Variants in RNF144B observed in about 807,000 individuals in gnomAD.
The protein encoded by RNF144B is ring finger protein 144B.
In RNF144B, 25 loss-of-function variants were observed where a neutral mutation model predicts 40.2. The observed-to-expected ratio is 0.62, with a 90% confidence interval of 0.45 to 0.87. RNF144B has a LOEUF of 0.87. RNF144B is among the 40% of genes least tolerant of loss of function. The pLI, the probability that RNF144B is intolerant of heterozygous loss-of-function variation, is 0.00. For synonymous variants in RNF144B, 145 were observed against 136.3 expected, an observed-to-expected ratio of 1.06 and a Z score of -0.44; for missense variants, 365 against 373.7, an observed-to-expected ratio of 0.98 and a Z score of 0.19.
rs573700156 is a variant in RNF144B at position 18,467,097 on chromosome 6, C to G, written c.*2030C>G. ...CTTTGTTTTACACGTAGCCCACTGCCTCATTATAGGTAAAAGGCATTTATA... is the reference window on the plus strand; with the variant it reads ...CTTTGTTTTACACGTAGCCCACTGCGTCATTATAGGTAAAAGGCATTTATA... On this transcript the variant is annotated 3_prime_UTR_variant, in exon 8 of 8. Transcript: ENST00000259939. 24 of 152,682 alleles carry G rather than the reference C, an allele frequency of 1.6e-4. No individual in the cohort carries two copies. The East Asian group carries it at 4.6e-3, about 29-fold the overall frequency. The allele number at this position is 152,682 out of a possible 1,614,324, so 9.5% of individuals were successfully genotyped here. A position where few individuals can be genotyped will look rare whatever the true frequency, so the allele number is the denominator to read the frequency against.
rs763184947 is a variant in RNF144B at position 18,406,108 on chromosome 6, T to C, written c.165+6409T>C. 1.9e-6 allele frequency: 1 copy of C among 519,038 alleles called. No individual in the cohort carries two copies. The highest frequency in any genetic ancestry group is 1.4e-5 in the South Asian group (1 of 71,590). The allele number at this position is 519,038 out of a possible 1,614,324, so 32.2% of individuals were successfully genotyped here. ...CATAGTTCTGATGGTTTGAATATAG[T>C]GGTGAACGATCAGATTAAGCCCTGG... On this transcript the variant is annotated intron_variant, in intron 2 of 7. Transcript: ENST00000259939. This position sits in a 1 kb window ranked among gnomAD's most constrained non-coding sequence, Gnocchi z 4.2.
At chr6:18,388,507 C>A (rs189665338) in intron 1 of RNF144B, among the ~76,000 whole-genome samples, 45 of 152,260 alleles carry the variant, frequency 3.0e-4, no homozygotes, top group African/African-American at 1.1e-3. Flanking sequence ...CCTAGCCAGT[C>A]CTAACTGAGT....
chr6:18,407,610 C>A (rs1794939480), intron 2 of RNF144B, among the ~76,000 whole-genome samples: 1 of 152,206 alleles, frequency 6.6e-6, no homozygotes, highest in Non-Finnish European at 1.5e-5. Context: ...CTTTGCTCTA[C>A]ATTCATTTGA....
intron 4 of RNF144B, among the ~76,000 whole-genome samples, chr6:18,454,472 C>T (rs2113531879): frequency 6.6e-6 from 1 of 152,302 alleles, no homozygotes; most frequent in African/African-American, 2.4e-5. Flanking sequence ...CTTAGTTAAG[C>T]TCTGTAAGCC....
Position 18,425,974 on chromosome 6 carries a change from A to C in RNF144B, c.166-1607A>C, listed in dbSNP as rs919101868. ...GGTTTGCCCTAGTCATTGATTCATC[A>C]GTACATTGTAAGTTATTTATAACCA... is the stretch of plus-strand genomic sequence containing the variant. On this transcript the variant is annotated intron_variant, in intron 2 of 7. Coordinates refer to ENST00000259939, the MANE Select transcript of RNF144B (RefSeq NM_182757.4). This position sits in a 1 kb window ranked among gnomAD's most constrained non-coding sequence, Gnocchi z 4.2. Among the ~76,000 whole-genome samples the C allele has an allele frequency of 6.6e-6, 1 of 152,216 alleles. No individual in the cohort carries two copies. Among genetic ancestry groups the C allele is most frequent in the African/African-American group, 2.4e-5 (1 of 41,474 alleles).
chr6:18,399,733 A>G, intron 2 of RNF144B, 34 bp downstream of exon 2: 1 of 1,534,048 alleles, frequency 6.5e-7, no homozygotes, highest in East Asian at 2.3e-5. Flanking sequence ...CTATGAGAAA[A>G]TACAAAGGGA....
At chr6:18,440,879 A>ATATATACCAAATATATATTATTTG in intron 4 of RNF144B, among the ~76,000 whole-genome samples, 1 of 144,746 alleles carries the variant, frequency 6.9e-6, no homozygotes, top group South Asian at 2.3e-4. Flanking sequence ...TGATATATTA[A>ATATATACCAAATATATATTATTTG]GCTAAATATA....
chr6:18,434,661 G>A lies in RNF144B; in HGVS notation c.271-5023G>A, dbSNP rs919221004. 6.6e-6 allele frequency among the ~76,000 whole-genome samples: 1 copy of A among 152,050 alleles called. No individual in the cohort carries two copies. The highest frequency in any genetic ancestry group is 2.4e-5 in the African/African-American group (1 of 41,482). On this transcript the variant is annotated intron_variant, in intron 3 of 7. Transcript: ENST00000259939. The surrounding 1 kb of genome is among the most constrained non-coding windows in gnomAD (Gnocchi z 4.1). ...TTTTTAGACAGAGTCTTGCTCTGTC[G>A]CCCAGGCTGGAATGCAGTGGTGCGA... is the stretch of plus-strand genomic sequence containing the variant.
rs1051476372 is a variant in RNF144B at position 18,398,384 on chromosome 6, T to C, written c.-36-1115T>C. Among the ~76,000 whole-genome samples, 2 of 152,176 alleles carry C rather than the reference T, an allele frequency of 1.3e-5. No individual in the cohort carries two copies. The highest frequency in any genetic ancestry group is 1.3e-4 in the Admixed American group (2 of 15,282). On this transcript the variant is annotated intron_variant, in intron 1 of 7. Coordinates refer to ENST00000259939, the MANE Select transcript of RNF144B (RefSeq NM_182757.4). This position sits in a 1 kb window ranked among gnomAD's most constrained non-coding sequence, Gnocchi z 5.0. The stretch of plus-strand genomic sequence containing the variant: ...TTTGTTCTTCTGTCTTTTTAATTTT[T>C]TATTTTTTGAGACGTTTCATTCTGT...
chr6:18,387,765 A>C (rs2113445715), intron 1 of RNF144B, 135 bp downstream of exon 1: 1 of 569,594 alleles, frequency 1.8e-6, no homozygotes, highest in Non-Finnish European at 2.7e-6. Context: ...CTCAAACCAT[A>C]CAGAACTGAA....
intron 4 of RNF144B, among the ~76,000 whole-genome samples, chr6:18,455,186 G>T (rs1246406317): frequency 1.3e-5 from 2 of 152,136 alleles, no homozygotes; most frequent in Non-Finnish European, 2.9e-5. Flanking sequence ...AGGTTTTAGT[G>T]ATCTTGGAGG....
rs912288937 is a variant in RNF144B, at chr6:18,446,218, G to A, written c.331+6474G>A. Among the ~76,000 whole-genome samples, 3 of 152,186 alleles carry A rather than the reference G, an allele frequency of 2.0e-5. No individual in the cohort carries two copies. Among genetic ancestry groups the A allele is most frequent in the African/African-American group, 7.2e-5 (3 of 41,460 alleles). On this transcript the variant is annotated intron_variant, in intron 4 of 7. Coordinates refer to ENST00000259939, the MANE Select transcript of RNF144B (RefSeq NM_182757.4). This position sits in a 1 kb window ranked among gnomAD's most constrained non-coding sequence, Gnocchi z 4.7. ...AGGCCATGTGTATAATCTGTTACAT[G>A]AGGTATATAAGACAAAACTATTCTC...
At chr6:18,436,518 G>A (rs1400895567) in intron 3 of RNF144B, among the ~76,000 whole-genome samples, 1 of 152,112 alleles carries the variant, frequency 6.6e-6, no homozygotes, top group Non-Finnish European at 1.5e-5. Context: ...GTGTTATTAG[G>A]GGAAGTTGGG....
chr6:18,420,512 A>G (rs142012482), intron 2 of RNF144B, among the ~76,000 whole-genome samples: 49 of 152,262 alleles, frequency 3.2e-4, no homozygotes, highest in Non-Finnish European at 6.8e-4. Context: ...GTCATTTGCA[A>G]TGCAGCATGC....
At chr6:18,394,944 C>A (rs1159782715) in intron 1 of RNF144B, among the ~76,000 whole-genome samples, 1 of 152,172 alleles carries the variant, frequency 6.6e-6, no homozygotes, top group Non-Finnish European at 1.5e-5. Flanking sequence ...CCCAACCAAT[C>A]TGTCTTGTTC....
intron 1 of RNF144B, among the ~76,000 whole-genome samples, chr6:18,389,637 A>G (rs949777526): frequency 9.9e-5 from 15 of 152,144 alleles, no homozygotes; most frequent in African/African-American, 3.1e-4. Flanking sequence ...TGAAATCTCC[A>G]GTTTGAGATA....
chr6:18,452,734 T>A (rs1759236612), intron 4 of RNF144B, among the ~76,000 whole-genome samples: 2 of 152,176 alleles, frequency 1.3e-5, no homozygotes, highest in African/African-American at 2.4e-5. Flanking sequence ...ACTGTTATGT[T>A]TTTTTAATAT....
rs1794810998 is a variant in RNF144B, at chr6:18,402,122, A to G, written c.165+2423A>G. 3.4e-5 allele frequency: 3 copies of G among 87,592 alleles called. 1 individual carries two copies. Among genetic ancestry groups the G allele is most frequent in the Admixed American group, 2.4e-4 (2 of 8,444 alleles). 5.4% of individuals were successfully genotyped at this position (87,592 alleles called of 1,614,324 possible). ...TTCTGTCATTGTCCTGTCTTCTGTA[A>G]GAGGCATCCCTGGCCATTTTGCTGT... On this transcript the variant is annotated intron_variant, in intron 2 of 7. Coordinates refer to ENST00000259939, the MANE Select transcript of RNF144B (RefSeq NM_182757.4).
rs3813678 is a variant in RNF144B at position 18,413,758 on chromosome 6, T to C, written c.166-13823T>C. On this transcript the variant is annotated intron_variant, in intron 2 of 7. Coordinates refer to ENST00000259939, the MANE Select transcript of RNF144B (RefSeq NM_182757.4). ...GTGATTCTTCTGTGTTGAGGGTGTT[T>C]AATGCATGGGTTACTGCAGAGCACA... Among the ~76,000 whole-genome samples, 1,743 of 152,334 alleles carry C rather than the reference T, an allele frequency of 0.011. 72 individuals carry two copies. In the South Asian group the frequency reaches 0.16, roughly 14 times the overall value.
Sources: gnomAD v4.1 joint callset for allele counts (sites outside exome capture counted in the v4.1 genomes callset) on GRCh38, gnomAD v4.1.1 for gene constraint, Gnocchi (gnomAD v3.1) non-coding constraint, MANE v1.5 for transcripts, NCBI Gene and HGNC (gene_info 2026-07-23, HGNC 2026-07-21) for gene names.